Variants in GAB2 observed in about 807,000 individuals in gnomAD.
GAB2 encodes the protein GRB2-associated-binding protein 2.
Under a neutral mutation model 65.5 loss-of-function variants are expected in GAB2, and 26 were observed. The ratio of observed to expected loss-of-function variants is 0.40; its 90% CI spans 0.29 to 0.55. The LOEUF is 0.55. Among genes scored for constraint, GAB2 ranks in the 20% least tolerant of loss-of-function variants. The pLI, the probability that GAB2 is intolerant of heterozygous loss-of-function variation, is 0.53. For synonymous variants in GAB2, 321 were observed against 329.6 expected, an observed-to-expected ratio of 0.97 and a Z score of 0.28; for missense variants, 884 against 875.8, an observed-to-expected ratio of 1.01 and a Z score of -0.12.
At position 78,371,291 on chromosome 11, in the gene GAB2, G is replaced by C. The variant is rs534615534; in HGVS notation, c.75+46355C>G. Among the ~76,000 whole-genome samples the C allele has an allele frequency of 1.2e-3, 181 of 152,326 alleles. 1 individual carries two copies. The highest frequency in any genetic ancestry group is 4.1e-3 in the African/African-American group (170 of 41,580). ...ACTCAGTAGTCTAATGAAAAGGGCAGGGACTTGCAGCCAGACAGTTCTGAG... is the reference window on the plus strand; with the variant it reads ...ACTCAGTAGTCTAATGAAAAGGGCACGGACTTGCAGCCAGACAGTTCTGAG... On this transcript the variant is annotated intron_variant, in intron 1 of 9. Transcript: ENST00000361507.
chr11:78,277,092 C>T (rs924704851), intron 2 of GAB2, among the ~76,000 whole-genome samples: 1 of 152,200 alleles, frequency 6.6e-6, no homozygotes, highest in African/African-American at 2.4e-5. Flanking sequence ...GCTGGGATTA[C>T]AGGCAGGAGC....
At chr11:78,221,485 T>G (rs1443802536) in intron 8 of GAB2, among the ~76,000 whole-genome samples, 192 bp downstream of exon 8, 1 of 152,164 alleles carries the variant, frequency 6.6e-6, no homozygotes, top group East Asian at 1.9e-4. Context: ...CATGTCTTCC[T>G]TACATCTGAT....
At chr11:78,358,505 T>C (rs1222688254) in intron 1 of GAB2, among the ~76,000 whole-genome samples, 1 of 145,444 alleles carries the variant, frequency 6.9e-6, no homozygotes, top group East Asian at 2.0e-4. Context: ...AAAGAAGTAA[T>C]GTCTTTCCTA....
At chr11:78,291,566 T>TC (rs1356748324) in intron 1 of GAB2, among the ~76,000 whole-genome samples, 1 of 97,050 alleles carries the variant, frequency 1.0e-5, no homozygotes, top group South Asian at 3.6e-4. Context: ...TTTTTCTTTT[T>TC]TTTTTTTTTT....
intron 1 of GAB2, among the ~76,000 whole-genome samples, chr11:78,327,887 G>GT (rs1855851372): frequency 6.6e-6 from 1 of 152,076 alleles, no homozygotes; most frequent in Admixed American, 6.6e-5. Flanking sequence ...TTGAATTGAA[G>GT]AAGTGGATGT....
Position 78,277,366 on chromosome 11 carries a change from C to G in GAB2, c.376+3235G>C, listed in dbSNP as rs374912908. On this transcript the variant is annotated intron_variant, in intron 2 of 9. Transcript: ENST00000361507. ...AGCAGGGCAGGAGCCTCTCCTGCCC[C>G]CATCTCACCAGGAATGTCAGGCAAC... 2.6e-5 allele frequency among the ~76,000 whole-genome samples: 4 copies of G among 152,132 alleles called. No individual in the cohort carries two copies. In the East Asian group the frequency reaches 7.7e-4, roughly 29 times the overall value.
rs1296426344 is a variant in GAB2 at position 78,218,259 on chromosome 11, C to T, written c.*1013G>A. The T allele has an allele frequency of 6.5e-6, 1 of 154,104 alleles. No individual in the cohort carries two copies. The highest frequency in any genetic ancestry group is 1.9e-4 in the East Asian group (1 of 5,218). The allele number at this position is 154,104 out of a possible 1,614,324, so 9.5% of individuals were successfully genotyped here. A position where few individuals can be genotyped will look rare whatever the true frequency, so the allele number is the denominator to read the frequency against. On this transcript the variant is annotated 3_prime_UTR_variant, in exon 10 of 10. Transcript: ENST00000361507. ...CCCAGCCTGTGCCTGTCCCAGGGTTCCCCTCAGTCCCTGCATCACCCCCAT... is the reference window on the plus strand; with the variant it reads ...CCCAGCCTGTGCCTGTCCCAGGGTTTCCCTCAGTCCCTGCATCACCCCCAT...
At chr11:78,267,527 T>G (rs1057333772) in intron 2 of GAB2, among the ~76,000 whole-genome samples, 4 of 152,078 alleles carry the variant, frequency 2.6e-5, no homozygotes, top group Non-Finnish European at 5.9e-5. Context: ...GACTGTCACT[T>G]CACACACACG....
chr11:78,264,573 G>T (rs1353894029), intron 2 of GAB2, among the ~76,000 whole-genome samples: 2 of 144,176 alleles, frequency 1.4e-5, no homozygotes, highest in Non-Finnish European at 1.5e-5. Context: ...GCTAATTTTT[G>T]TATTTTTTTT....
intron 1 of GAB2, among the ~76,000 whole-genome samples, chr11:78,382,078 T>TC (rs1352337929): frequency 5.9e-5 from 9 of 152,184 alleles, no homozygotes; most frequent in African/African-American, 2.2e-4. Context: ...CTTCTTCTAG[T>TC]CCAAGTTTTA....
chr11:78,248,447 A>C (rs1865356215), intron 3 of GAB2, among the ~76,000 whole-genome samples: 1 of 152,214 alleles, frequency 6.6e-6, no homozygotes, highest in African/African-American at 2.4e-5. Flanking sequence ...AGGCTTACTG[A>C]GTCAGAGTGA....
At position 78,222,094 on chromosome 11, in the gene GAB2, T is replaced by TA. The variant is rs751938359; in HGVS notation, c.1658+10dup. 3.2e-5 allele frequency: 51 copies of TA among 1,571,558 alleles called. No homozygotes were observed. Among genetic ancestry groups the TA allele is most frequent in the Non-Finnish European group, 4.4e-5 (50 of 1,141,280 alleles). ...GACTCCAAGCTCCCACCCCCACACA[T>TA]ACGCACTTACTTGGCCCTAGACCAA... On this transcript the variant is annotated intron_variant, in intron 7 of 9. Transcript: ENST00000361507.
intron 3 of GAB2, among the ~76,000 whole-genome samples, chr11:78,243,147 G>C (rs927098779): frequency 2.1e-5 from 3 of 145,618 alleles, no homozygotes; most frequent in African/African-American, 7.6e-5. Context: ...ATGGGCGACA[G>C]AGTGAGACTC....
At chr11:78,353,235 G>A (rs1281118425) in intron 1 of GAB2, among the ~76,000 whole-genome samples, 1 of 152,158 alleles carries the variant, frequency 6.6e-6, no homozygotes, top group African/African-American at 2.4e-5. Flanking sequence ...GAGATCAGGA[G>A]TTGCAGACCA....
chr11:78,218,214 T>C lies in GAB2; in HGVS notation c.*1058A>G, dbSNP rs148204477. 0.016 allele frequency: 2,476 copies of C among 154,200 alleles called. 69 individuals are homozygous for C. Among genetic ancestry groups the C allele is most frequent in the African/African-American group, 0.056 (2,342 of 41,576 alleles). The allele number at this position is 154,200 out of a possible 1,614,324, so 9.6% of individuals were successfully genotyped here. A position where few individuals can be genotyped will look rare whatever the true frequency, so the allele number is the denominator to read the frequency against. Reference sequence around the variant, plus strand: ...TTCCCGACCCCACTGCAGAGTCCCCTGCACTGCCCTGTGCCTCTGCCCAGC... The same window carrying C: ...TTCCCGACCCCACTGCAGAGTCCCCCGCACTGCCCTGTGCCTCTGCCCAGC... On this transcript the variant is annotated 3_prime_UTR_variant, in exon 10 of 10. Coordinates refer to ENST00000361507, the MANE Select transcript of GAB2 (RefSeq NM_080491.3).
At chr11:78,406,298 CA>C (rs1247612148) in intron 1 of GAB2, among the ~76,000 whole-genome samples, 3 of 152,126 alleles carry the variant, frequency 2.0e-5, no homozygotes, top group Admixed American at 1.3e-4. Flanking sequence ...ATGATTGCAG[CA>C]GGGTCAGAGA....
At chr11:78,265,898 A>G (rs1188818096) in intron 2 of GAB2, among the ~76,000 whole-genome samples, 1 of 152,162 alleles carries the variant, frequency 6.6e-6, no homozygotes. Flanking sequence ...GTAACTATTT[A>G]CAATTTATAA....
At chr11:78,353,016 G>A (rs572767185) in intron 1 of GAB2, among the ~76,000 whole-genome samples, 1 of 152,166 alleles carries the variant, frequency 6.6e-6, no homozygotes, top group African/African-American at 2.4e-5. Context: ...ACAGACTTCA[G>A]ATCAAGAATC....
At chr11:78,223,911 T>C (rs1420136468) in intron 5 of GAB2, among the ~76,000 whole-genome samples, 1 of 151,972 alleles carries the variant, frequency 6.6e-6, no homozygotes, top group African/African-American at 2.4e-5. Flanking sequence ...CAAAACCTCC[T>C]CTCTACTAAA....
Sources: gnomAD v4.1 joint callset for allele counts (sites outside exome capture counted in the v4.1 genomes callset) on GRCh38, gnomAD v4.1.1 for gene constraint, MANE v1.5 for transcripts, NCBI Gene and HGNC (gene_info 2026-07-23, HGNC 2026-07-21) for gene names.